Variants in MTAP observed in about 807,000 individuals in gnomAD.
MTAP encodes S-methyl-5'-thioadenosine phosphorylase.
In MTAP, 33 loss-of-function variants were observed where a neutral mutation model predicts 33.6. The ratio of observed to expected loss-of-function variants is 0.98; its 90% CI spans 0.74 to 1.31. The LOEUF (loss-of-function observed/expected upper bound fraction) is 1.31, where lower values mean the gene tolerates loss of function less well. MTAP is among the 40% of genes most tolerant of loss of function. The pLI is 0.00. For synonymous variants in MTAP, 148 were observed against 125.7 expected (o/e 1.18, Z -1.19); for missense variants, 367 against 360.0 (o/e 1.02, Z -0.16).
At chr9:21,904,708 G>A (rs1316408699) in intron 1 of MTAP, among the ~76,000 whole-genome samples, 1 of 152,194 alleles carries the variant, frequency 6.6e-6, no homozygotes, top group Non-Finnish European at 1.5e-5. Context: ...TGTTGTTGCT[G>A]ATTAGTAAGG....
chr9:21,878,706 T>C (rs1329690749), intron 1 of MTAP, among the ~76,000 whole-genome samples: 1 of 152,270 alleles, frequency 6.6e-6, no homozygotes. Flanking sequence ...TGCCATAAAC[T>C]GTCCTGTTAA....
At chr9:21,908,383 A>G (rs1158083949) in intron 1 of MTAP, among the ~76,000 whole-genome samples, 2 of 152,098 alleles carry the variant, frequency 1.3e-5, no homozygotes, top group African/African-American at 4.8e-5. Context: ...GTGTGTTTCC[A>G]GTTTTTGATT....
chr9:21,835,774 C>T (rs1331847770), intron 4 of MTAP, among the ~76,000 whole-genome samples: 3 of 152,182 alleles, frequency 2.0e-5, no homozygotes, highest in African/African-American at 4.8e-5. Flanking sequence ...TTTCATTCAG[C>T]ATTAACAATG....
At chr9:21,939,947 G>C (rs1473620782), downstream of MTAP, among the ~76,000 whole-genome samples, 6 of 151,862 alleles carry the variant, frequency 4.0e-5, no homozygotes, top group African/African-American at 1.5e-4. Context: ...ATATTACCAA[G>C]GTTTTAAATA....
downstream of MTAP, among the ~76,000 whole-genome samples, chr9:21,870,315 C>T (rs185054903): frequency 7.2e-4 from 109 of 152,320 alleles, no homozygotes; most frequent in African/African-American, 2.1e-3. Flanking sequence ...TTTTGTAACT[C>T]CCAACACACA....
At chr9:21,908,321 T>G (rs1818506785) in intron 1 of MTAP, among the ~76,000 whole-genome samples, 1 of 152,180 alleles carries the variant, frequency 6.6e-6, no homozygotes, top group African/African-American at 2.4e-5. Context: ...TATTGCTAAA[T>G]AGTGTTGTAT....
intron 1 of MTAP, among the ~76,000 whole-genome samples, chr9:21,805,879 A>G (rs1487652682): frequency 6.6e-6 from 1 of 152,198 alleles, no homozygotes; most frequent in Admixed American, 6.5e-5. Flanking sequence ...GATAGTGAAA[A>G]TAGGGATAAA....
At position 21,866,454 on chromosome 9, in the gene MTAP, T is replaced by G. The variant is rs1825854636; in HGVS notation, c.*4440T>G. The G allele has an allele frequency of 6.6e-6, 1 of 152,158 alleles. No homozygotes were observed. Among genetic ancestry groups the G allele is most frequent in the Non-Finnish European group, 1.5e-5 (1 of 68,014 alleles). 9.4% of individuals were successfully genotyped at this position (152,158 alleles called of 1,614,324 possible). Reference sequence around the variant, plus strand: ...TCCAAGAAATCTTTGCCTACTCATTTAATTACCTGTGTGCCCTTGTCAAAA... The same window carrying G: ...TCCAAGAAATCTTTGCCTACTCATTGAATTACCTGTGTGCCCTTGTCAAAA... On this transcript the variant is annotated 3_prime_UTR_variant, in exon 8 of 8. Transcript: ENST00000644715.
intron 1 of MTAP, among the ~76,000 whole-genome samples, chr9:21,925,590 A>G (rs1202975995): frequency 6.6e-6 from 1 of 152,202 alleles, no homozygotes; most frequent in Non-Finnish European, 1.5e-5. Context: ...AAGCCAAGAC[A>G]CTGGAAGACA....
intron 1 of MTAP, 136 bp downstream of exon 1, chr9:21,802,917 G>GGCACTCGGGACTC (rs1824091193): frequency 6.2e-6 from 9 of 1,446,182 alleles, no homozygotes; most frequent in Non-Finnish European, 7.2e-6. Flanking sequence ...ACTGGGGCGC[G>GGCACTCGGGACTC]GCACTCGGGA....
At chr9:21,889,173 A>T (rs542819270) in intron 1 of MTAP, among the ~76,000 whole-genome samples, 8 of 152,064 alleles carry the variant, frequency 5.3e-5, no homozygotes, top group South Asian at 2.1e-4. Flanking sequence ...GTTCATTTTT[A>T]AAAATTTTTT....
chr9:21,823,714 C>T (rs548742090), intron 4 of MTAP, among the ~76,000 whole-genome samples: 1 of 152,220 alleles, frequency 6.6e-6, no homozygotes, highest in Non-Finnish European at 1.5e-5. Flanking sequence ...TGTTTTCCAA[C>T]TTGGTTCCAT....
At chr9:21,857,252 T>C (rs2118536611) in intron 6 of MTAP, among the ~76,000 whole-genome samples, 1 of 152,198 alleles carries the variant, frequency 6.6e-6, no homozygotes, top group Non-Finnish European at 1.5e-5. Flanking sequence ...AGGAAATGAG[T>C]AAATACAAGG....
Position 21,899,544 on chromosome 9 carries a change from A to G in MTAP, c.148-31464A>G, listed in dbSNP as rs563001392. On this transcript the variant is annotated intron_variant, in intron 1 of 1. Coordinates refer to the MTAP transcript ENST00000577563. ...AGTTCAGCATGGCTGGGGAGGCCTCAGGAAACTTACAGTCATGGTGGAAGG... is the reference window on the plus strand; with the variant it reads ...AGTTCAGCATGGCTGGGGAGGCCTCGGGAAACTTACAGTCATGGTGGAAGG... Among the ~76,000 whole-genome samples the G allele has an allele frequency of 2.4e-4, 37 of 152,274 alleles. No individual in the cohort carries two copies. The East Asian group carries it at 6.6e-3, about 27-fold the overall frequency.
At chr9:21,816,904 A>G (rs1587203835) in intron 3 of MTAP, 132 bp downstream of exon 3, 5 of 702,908 alleles carry the variant, frequency 7.1e-6, no homozygotes, top group Non-Finnish European at 1.1e-5. Context: ...AGTAACCTTT[A>G]TTTACAATGT....
At chr9:21,912,013 A>G (rs2118849867) in intron 1 of MTAP, among the ~76,000 whole-genome samples, 1 of 152,350 alleles carries the variant, frequency 6.6e-6, no homozygotes, top group South Asian at 2.1e-4. Flanking sequence ...CTCTACGCAA[A>G]TAAACTAGAA....
Position 21,811,674 on chromosome 9 carries a change from C to T in MTAP, c.34-3759C>T. The T allele has an allele frequency of 3.0e-5, 16 of 530,186 alleles. 1 individual carries two copies. Among genetic ancestry groups the T allele is most frequent in the South Asian group, 2.2e-4 (16 of 72,184 alleles). The allele number at this position is 530,186 out of a possible 1,614,324, so 32.8% of individuals were successfully genotyped here. On this transcript the variant is annotated intron_variant, in intron 1 of 7. Transcript: ENST00000644715. ...AACTCTTCCTCCTCAGCCGTGGCCT[C>T]CTGCTACTGCTGGTACTCAGACACC...
chr9:21,902,784 G>C (rs938393654), intron 1 of MTAP, among the ~76,000 whole-genome samples: 1 of 152,130 alleles, frequency 6.6e-6, no homozygotes, highest in Admixed American at 6.5e-5. Context: ...AATGCCTGGA[G>C]GTGTGGATAG....
intron 1 of MTAP, among the ~76,000 whole-genome samples, chr9:21,894,241 A>G (rs1015727465): frequency 6.6e-6 from 1 of 150,376 alleles, no homozygotes. Flanking sequence ...CTAGGTATTG[A>G]AGTAGCATAC....
Sources: allele counts gnomAD v4.1 joint callset (sites outside exome capture counted in the v4.1 genomes callset), GRCh38; gene constraint gnomAD v4.1.1; transcripts MANE v1.5; gene names NCBI Gene and HGNC (gene_info 2026-07-23, HGNC 2026-07-21).